The following FMN2 variants were observed in gnomAD, a reference collection of about 807,000 sequenced individuals.
FMN2 encodes formin-2.
A neutral mutation model predicts 142.3 loss-of-function variants in FMN2; 51 were observed. The ratio of observed to expected loss-of-function variants is 0.36; its 90% CI spans 0.29 to 0.45. The LOEUF (loss-of-function observed/expected upper bound fraction) is 0.45, where lower values mean the gene tolerates loss of function less well. Ranked by LOEUF, FMN2 falls within the 20% of genes least tolerant of loss-of-function variation. The pLI is 1.00. For missense variants in FMN2, 1,936 were observed against 2,122.8 expected, an observed-to-expected ratio of 0.91 and a Z score of 1.73; for synonymous variants, 882 against 869.8, an observed-to-expected ratio of 1.01 and a Z score of -0.25.
At chr1:240,101,789 C>T (rs1661425907) in intron 1 of FMN2, among the ~76,000 whole-genome samples, 1 of 149,066 alleles carries the variant, frequency 6.7e-6, no homozygotes, top group African/African-American at 2.5e-5. Context: ...TGTTTTTGAA[C>T]ACTGATATAA....
chr1:240,434,297 G>T (rs1426742855), intron 15 of FMN2, among the ~76,000 whole-genome samples: 5 of 152,238 alleles, frequency 3.3e-5, no homozygotes, highest in African/African-American at 9.6e-5. Flanking sequence ...TCCTGTATTG[G>T]TATATGGTGG....
At position 240,144,060 on chromosome 1, in the gene FMN2, T is replaced by A. The variant is rs1663317768; in HGVS notation, c.1782+20715T>A. 4 of 1,098,538 alleles carry A rather than the reference T, an allele frequency of 3.6e-6. No homozygotes were observed. The South Asian group carries it at 5.0e-5, about 14-fold the overall frequency. 68.0% of individuals were successfully genotyped at this position (1,098,538 alleles called of 1,614,324 possible). A position where few individuals can be genotyped will look rare whatever the true frequency, so the allele number is the denominator to read the frequency against. On this transcript the variant is annotated intron_variant, in intron 2 of 17. Transcript: ENST00000319653. ...CAGGCAAGAAGAATTCCTGACTTAA[T>A]GTAGTCCTCAAAGGAGTACAGGTTA... is the stretch of plus-strand genomic sequence containing the variant.
At chr1:240,249,161 A>G (rs2102882028) in intron 6 of FMN2, among the ~76,000 whole-genome samples, 1 of 152,232 alleles carries the variant, frequency 6.6e-6, no homozygotes, top group East Asian at 1.9e-4. Flanking sequence ...TCTTAGCCAT[A>G]AAATCTTTGC....
chr1:240,121,388 T>A (rs939316898), intron 1 of FMN2, among the ~76,000 whole-genome samples: 42 of 150,914 alleles, frequency 2.8e-4, no homozygotes, highest in East Asian at 9.8e-4. Flanking sequence ...TTTATTTTTT[T>A]TTTTTTGAGA....
At chr1:240,228,782 T>C (rs1429398461) in intron 6 of FMN2, among the ~76,000 whole-genome samples, 1 of 140,464 alleles carries the variant, frequency 7.1e-6, no homozygotes, top group Non-Finnish European at 1.6e-5. Flanking sequence ...TCAAAAAACC[T>C]TAAGATAAAC....
chr1:240,185,092 C>T (rs1280154546), intron 3 of FMN2, among the ~76,000 whole-genome samples: 1 of 146,612 alleles, frequency 6.8e-6, no homozygotes, highest in African/African-American at 2.6e-5. Flanking sequence ...TATACCTTCC[C>T]CCTTCTCTTT....
intron 15 of FMN2, among the ~76,000 whole-genome samples, chr1:240,426,330 A>G (rs902416905): frequency 2.6e-5 from 4 of 152,106 alleles, no homozygotes; most frequent in Non-Finnish European, 4.4e-5. Flanking sequence ...AAAGCTGTCT[A>G]TTTTTATTAT....
intron 15 of FMN2, among the ~76,000 whole-genome samples, chr1:240,425,886 G>A (rs1157358447): frequency 6.6e-6 from 1 of 152,158 alleles, no homozygotes; most frequent in Non-Finnish European, 1.5e-5. Context: ...CATGAGTAGT[G>A]CCTGGCATAT....
chr1:240,093,206 G>A lies in FMN2; in HGVS notation c.1097G>A (p.Trp366Ter), dbSNP rs1445709911. 2.0e-6 allele frequency: 3 copies of A among 1,496,200 alleles called. No individual in the cohort carries two copies. Among genetic ancestry groups the A allele is most frequent in the Non-Finnish European group, 2.7e-6 (3 of 1,124,324 alleles). The allele number at this position is 1,496,200 out of a possible 1,614,324, so 92.7% of individuals were successfully genotyped here. A position where few individuals can be genotyped will look rare whatever the true frequency, so the allele number is the denominator to read the frequency against. ...CCCCGGGGCTCTCCGGGGGAGGAGTGGGCCCCGGAGGTGGGAGAGGACGCC... is the reference window on the plus strand; with the variant it reads ...CCCCGGGGCTCTCCGGGGGAGGAGTAGGCCCCGGAGGTGGGAGAGGACGCC... ...DAPRGSPGEE[W>*]APEVGEDAPQ... Residue 366 changes from tryptophan to a stop codon, truncating the protein, a stop_gained, in exon 1 of 18, where the codon TGG (tryptophan) becomes TAG (stop). Transcript: ENST00000319653. LOFTEE classifies it high-confidence loss of function.
intron 15 of FMN2, among the ~76,000 whole-genome samples, chr1:240,412,440 A>G (rs2103127249): frequency 6.6e-6 from 1 of 152,252 alleles, no homozygotes; most frequent in East Asian, 1.9e-4. Context: ...GTAGAGGGAG[A>G]CGGGTGGTCC....
chr1:240,312,162 G>T (rs772182081), intron 8 of FMN2, among the ~76,000 whole-genome samples: 1 of 151,982 alleles, frequency 6.6e-6, no homozygotes, highest in East Asian at 1.9e-4. Flanking sequence ...AGTTTTGCAT[G>T]GTCCGTCCAC....
At chr1:240,243,964 T>C (rs1335196954) in intron 6 of FMN2, among the ~76,000 whole-genome samples, 1 of 152,234 alleles carries the variant, frequency 6.6e-6, no homozygotes, top group Non-Finnish European at 1.5e-5. Flanking sequence ...ATAGCTCTTA[T>C]TCCTTGAATA....
intron 14 of FMN2, among the ~76,000 whole-genome samples, chr1:240,368,352 T>C (rs1328209198): frequency 4.6e-5 from 7 of 152,196 alleles, no homozygotes; most frequent in Non-Finnish European, 8.8e-5. Flanking sequence ...GCTTTCTATC[T>C]ATGAACATGG....
intron 2 of FMN2, chr1:240,143,855 G>T: frequency 6.3e-7 from 1 of 1,584,884 alleles, no homozygotes; most frequent in Non-Finnish European, 8.7e-7. Context: ...GCTGGACTTT[G>T]AATCTCCCAT....
chr1:240,317,884 A>G (rs1212614401), intron 8 of FMN2, among the ~76,000 whole-genome samples: 1 of 152,136 alleles, frequency 6.6e-6, no homozygotes, highest in Admixed American at 6.6e-5. Context: ...GAGAGGTCCA[A>G]TTTTGCTGCA....
At chr1:240,358,286 A>G (rs1385885639) in intron 14 of FMN2, among the ~76,000 whole-genome samples, 9 of 152,252 alleles carry the variant, frequency 5.9e-5, no homozygotes, top group Admixed American at 5.9e-4. Context: ...GGTGATAAAA[A>G]CAACATAAAC....
chr1:240,286,459 G>A (rs4659954), intron 7 of FMN2, among the ~76,000 whole-genome samples: 41,680 of 151,930 alleles, frequency 0.27, 6,299 homozygotes, highest in Admixed American at 0.46. Flanking sequence ...ACCCTCAGTT[G>A]GACAAGTGCC....
At chr1:240,146,597 G>C (rs915213746) in intron 2 of FMN2, among the ~76,000 whole-genome samples, 1 of 152,008 alleles carries the variant, frequency 6.6e-6, no homozygotes, top group African/African-American at 2.4e-5. Flanking sequence ...CCAGTTACTT[G>C]AGAGGCTGAG....
intron 6 of FMN2, among the ~76,000 whole-genome samples, chr1:240,214,227 C>T (rs1408230384): frequency 6.6e-6 from 1 of 151,996 alleles, no homozygotes; most frequent in Non-Finnish European, 1.5e-5. Context: ...ATGTAGAACC[C>T]CGTCTCTTAA....
Sources: allele counts gnomAD v4.1 joint callset (sites outside exome capture counted in the v4.1 genomes callset), GRCh38; gene constraint gnomAD v4.1.1; transcripts MANE v1.5; gene names NCBI Gene and HGNC (gene_info 2026-07-23, HGNC 2026-07-21).